Variants in LRRTM4 observed in about 807,000 individuals in gnomAD.
The protein encoded by LRRTM4 is leucine rich repeat transmembrane neuronal 4.
Under a neutral mutation model 47.6 loss-of-function variants are expected in LRRTM4, and 25 were observed. The ratio of observed to expected loss-of-function variants is 0.53; its 90% confidence interval spans 0.38 to 0.73. The LOEUF (loss-of-function observed/expected upper bound fraction) is 0.73. Among genes scored for constraint, LRRTM4 ranks in the 30% least tolerant of loss-of-function variants. The probability of loss-of-function intolerance (pLI) is 0.00; values close to 1 mark genes in which losing one functional copy is unlikely to be tolerated. For missense variants in LRRTM4, 638 were observed against 713.4 expected, an observed-to-expected ratio of 0.89 and a Z score of 1.20; for synonymous variants, 311 against 269.5, an observed-to-expected ratio of 1.15 and a Z score of -1.51.
At chr2:77,216,218 A>G (rs1674435614) in intron 3 of LRRTM4, among the ~76,000 whole-genome samples, 1 of 152,228 alleles carries the variant, frequency 6.6e-6, no homozygotes, top group Non-Finnish European at 1.5e-5. Context: ...CACCATTGCC[A>G]GAATACAAAA....
intron 3 of LRRTM4, among the ~76,000 whole-genome samples, chr2:77,388,333 A>G (rs1465419954): frequency 2.6e-5 from 4 of 152,112 alleles, no homozygotes; most frequent in African/African-American, 9.7e-5. Flanking sequence ...TCTTATAACT[A>G]CAAGGCCAGC....
At chr2:77,198,038 A>G (rs1214046140) in intron 3 of LRRTM4, among the ~76,000 whole-genome samples, 1 of 152,220 alleles carries the variant, frequency 6.6e-6, no homozygotes, top group Non-Finnish European at 1.5e-5. Flanking sequence ...AGGCTAGACT[A>G]GGTCATGTTG....
At chr2:77,296,852 G>A (rs2104148524) in intron 3 of LRRTM4, among the ~76,000 whole-genome samples, 1 of 152,244 alleles carries the variant, frequency 6.6e-6, no homozygotes, top group Middle Eastern at 3.4e-3. Context: ...TTTGGTAAAG[G>A]AATTCCTGTC....
At chr2:77,229,800 T>G (rs1558644499) in intron 3 of LRRTM4, among the ~76,000 whole-genome samples, 1 of 152,172 alleles carries the variant, frequency 6.6e-6, no homozygotes, top group Non-Finnish European at 1.5e-5. Flanking sequence ...AAATATTTTT[T>G]AAATACCTGA....
At chr2:76,915,555 T>C (rs1175986784) in intron 3 of LRRTM4, among the ~76,000 whole-genome samples, 2 of 152,348 alleles carry the variant, frequency 1.3e-5, no homozygotes, top group East Asian at 3.9e-4. Flanking sequence ...TGTTCTGGGT[T>C]CTACCTTTGT....
intron 3 of LRRTM4, among the ~76,000 whole-genome samples, chr2:76,878,561 G>A (rs895930817): frequency 6.6e-6 from 1 of 151,796 alleles, no homozygotes; most frequent in African/African-American, 2.4e-5. Flanking sequence ...GTGAAGACAC[G>A]AATTATAGGA....
intron 3 of LRRTM4, among the ~76,000 whole-genome samples, chr2:77,337,106 T>C (rs1233789218): frequency 6.6e-6 from 1 of 152,060 alleles, no homozygotes; most frequent in East Asian, 1.9e-4. Flanking sequence ...TTTAAGACTG[T>C]AATTACATTT....
At chr2:77,515,886 T>A (rs1455100612) in intron 3 of LRRTM4, among the ~76,000 whole-genome samples, 1 of 151,788 alleles carries the variant, frequency 6.6e-6, no homozygotes, top group Non-Finnish European at 1.5e-5. Context: ...TTTCTAAGAG[T>A]TTGCTTTTCC....
intron 3 of LRRTM4, among the ~76,000 whole-genome samples, chr2:77,260,374 C>CGT (rs58758948): frequency 0.49 from 68,917 of 140,230 alleles, 17,860 homozygotes; most frequent in East Asian, 0.65. Context: ...ACCAAAAAAT[C>CGT]GTGTGTGTGT....
chr2:77,166,072 A>C (rs1672875678), intron 3 of LRRTM4, among the ~76,000 whole-genome samples: 3 of 152,220 alleles, frequency 2.0e-5, no homozygotes, highest in Admixed American at 2.0e-4. Context: ...CCATCGTCTT[A>C]GCCCAAAATC....
At chr2:77,029,052 A>AAAATAT (rs1277940864) in intron 3 of LRRTM4, among the ~76,000 whole-genome samples, 4 of 140,642 alleles carry the variant, frequency 2.8e-5, no homozygotes, top group Non-Finnish European at 4.6e-5. Flanking sequence ...CACACACACA[A>AAAATAT]ATATATATAT....
intron 3 of LRRTM4, among the ~76,000 whole-genome samples, chr2:77,105,525 G>A (rs1671072271): frequency 8.2e-6 from 1 of 121,914 alleles, no homozygotes; most frequent in African/African-American, 3.1e-5. Flanking sequence ...GGGGGGAGGG[G>A]GGAGGGATAG....
intron 3 of LRRTM4, among the ~76,000 whole-genome samples, chr2:77,480,826 A>T (rs62162637): frequency 0.49 from 45,297 of 92,502 alleles, 9,299 homozygotes; most frequent in Non-Finnish European, 0.52. Flanking sequence ...GTGTGTGGAG[A>T]GAGAGAGAGA....
chr2:77,043,835 T>TA (rs1359844700), intron 3 of LRRTM4, among the ~76,000 whole-genome samples: 2 of 151,648 alleles, frequency 1.3e-5, no homozygotes, highest in Admixed American at 6.6e-5. Context: ...ATATGGCAGA[T>TA]AAAAAAATCA....
intron 3 of LRRTM4, among the ~76,000 whole-genome samples, chr2:77,480,820 GTGGAGA>G (rs1404541449): frequency 1.3e-4 from 13 of 99,134 alleles, no homozygotes; most frequent in East Asian, 1.3e-3. Flanking sequence ...GTGTGTGTGT[GTGGAGA>G]GAGAGAGAGA....
chr2:77,106,275 A>G (rs6547121), intron 3 of LRRTM4, among the ~76,000 whole-genome samples: 60,818 of 152,050 alleles, frequency 0.4, 13,723 homozygotes, highest in East Asian at 0.7. Flanking sequence ...TGTCTTTTTC[A>G]TGATAGTAAC....
intron 3 of LRRTM4, among the ~76,000 whole-genome samples, chr2:77,386,108 AT>A (rs1673260848): frequency 6.6e-6 from 1 of 151,536 alleles, no homozygotes; most frequent in African/African-American, 2.4e-5. Context: ...TCTTTAAAAA[AT>A]ATTATATGTT....
chr2:77,150,832 A>T (rs2103784153), intron 3 of LRRTM4, among the ~76,000 whole-genome samples: 1 of 152,170 alleles, frequency 6.6e-6, no homozygotes, highest in South Asian at 2.1e-4. Context: ...TATCCCTACC[A>T]TTATCAATTC....
intron 3 of LRRTM4, among the ~76,000 whole-genome samples, chr2:76,772,362 A>G (rs1292709876): frequency 6.6e-6 from 1 of 152,194 alleles, no homozygotes; most frequent in Non-Finnish European, 1.5e-5. Context: ...TTTTTGTTAT[A>G]GCAGCCTGAA....
Sources: allele counts gnomAD v4.1 joint callset (sites outside exome capture counted in the v4.1 genomes callset), GRCh38; gene constraint gnomAD v4.1.1; transcripts MANE v1.5; gene names NCBI Gene and HGNC (gene_info 2026-07-23, HGNC 2026-07-21).